Variants in ANKS1B observed in about 807,000 individuals in gnomAD.
ANKS1B encodes the protein ankyrin repeat and sterile alpha motif domain containing 1B, also known as ankyrin repeat and sterile alpha motif domain-containing protein 1B.
In ANKS1B, 36 loss-of-function variants were observed where a neutral mutation model predicts 148.3. The observed-to-expected ratio is 0.24, with a 90% CI of 0.19 to 0.32. The LOEUF (loss-of-function observed/expected upper bound fraction) is 0.32. ANKS1B is among the 10% of genes least tolerant of loss of function. ANKS1B has a pLI of 1.00. For missense variants in ANKS1B, 1,157 were observed against 1,542.6 expected, an observed-to-expected ratio of 0.75 and a Z score of 4.19; for synonymous variants, 542 against 560.8, an observed-to-expected ratio of 0.97 and a Z score of 0.47.
intron 9 of ANKS1B, among the ~76,000 whole-genome samples, chr12:99,553,012 A>C (rs2097237521): frequency 1.3e-5 from 2 of 152,238 alleles, no homozygotes; most frequent in Admixed American, 1.3e-4. Flanking sequence ...ACGGACACAG[A>C]GAGCTGACTT....
rs2095312201 is a variant in ANKS1B at position 99,955,687 on chromosome 12, G to C, written c.134+28417C>G. On this transcript the variant is annotated intron_variant, in intron 1 of 26. Transcript: ENST00000683438. ...ACATGAACCAATAACTTGCAGGCTT[G>C]AGTTACAAAGAACATACATTTAAAC... 1.3e-5 allele frequency among the ~76,000 whole-genome samples: 2 copies of C among 151,888 alleles called. 1 individual carries two copies. Among genetic ancestry groups the C allele is most frequent in the African/African-American group, 4.8e-5 (2 of 41,320 alleles).
chr12:99,541,219 T>C (rs1028875888), intron 9 of ANKS1B, among the ~76,000 whole-genome samples: 10 of 151,968 alleles, frequency 6.6e-5, no homozygotes, highest in African/African-American at 2.2e-4. Flanking sequence ...CCCTCACAAA[T>C]GCTTCTTTAA....
intron 3 of ANKS1B, among the ~76,000 whole-genome samples, chr12:99,808,360 C>T (rs6538947): frequency 0.63 from 95,347 of 151,766 alleles, 30,283 homozygotes; most frequent in South Asian, 0.73. Context: ...AAGGGGAAAA[C>T]AGCACTAGGA....
chr12:99,141,053 C>A (rs2070551305), intron 15 of ANKS1B, among the ~76,000 whole-genome samples: 1 of 152,174 alleles, frequency 6.6e-6, no homozygotes. Flanking sequence ...AACCAACTCT[C>A]CACTTGGCTC....
intron 17 of ANKS1B, among the ~76,000 whole-genome samples, chr12:98,986,665 A>G (rs529162958): frequency 2.3e-4 from 35 of 152,190 alleles, no homozygotes; most frequent in Non-Finnish European, 4.7e-4. Flanking sequence ...CCCAGCCTGG[A>G]GTGCAGTGAT....
chr12:98,786,567 G>C (rs527859891), intron 22 of ANKS1B, among the ~76,000 whole-genome samples: 1 of 152,210 alleles, frequency 6.6e-6, no homozygotes, highest in Admixed American at 6.5e-5. Context: ...CTTAAAGCAT[G>C]TTCTGAAAAT....
chr12:99,780,118 TACAC>T (rs778634617), intron 5 of ANKS1B, 146 bp from the exon 6 acceptor site: 5 of 614,702 alleles, frequency 8.1e-6, no homozygotes, highest in Non-Finnish European at 1.4e-5. Flanking sequence ...CACACACACA[TACAC>T]ACACACATGC....
At chr12:98,743,159 T>C (rs1194223149), downstream of ANKS1B, among the ~76,000 whole-genome samples, 2 of 152,220 alleles carry the variant, frequency 1.3e-5, no homozygotes, top group Non-Finnish European at 1.5e-5. Context: ...TTATTGATTT[T>C]TGAGGATTTG....
chr12:98,871,356 C>A (rs2099667869), intron 17 of ANKS1B, among the ~76,000 whole-genome samples: 1 of 152,072 alleles, frequency 6.6e-6, no homozygotes, highest in South Asian at 2.1e-4. Flanking sequence ...CATATTAATT[C>A]AATAACATAA....
chr12:99,315,111 T>C (rs2083809881), intron 12 of ANKS1B, among the ~76,000 whole-genome samples: 1 of 151,590 alleles, frequency 6.6e-6, no homozygotes, highest in African/African-American at 2.4e-5. Context: ...GGCGTGGTGG[T>C]GCATGCCTGT....
chr12:99,307,385 G>T (rs2154023951), intron 12 of ANKS1B, among the ~76,000 whole-genome samples: 1 of 152,128 alleles, frequency 6.6e-6, no homozygotes. Flanking sequence ...ATAGAGAAAG[G>T]GTGAATAATC....
chr12:99,349,821 C>T (rs976004304), intron 12 of ANKS1B, among the ~76,000 whole-genome samples: 2 of 151,840 alleles, frequency 1.3e-5, no homozygotes, highest in Admixed American at 1.3e-4. Context: ...TACTGTAAGC[C>T]AACTAGACCT....
intron 9 of ANKS1B, among the ~76,000 whole-genome samples, chr12:99,634,720 T>C (rs1482569311): frequency 1.2e-4 from 18 of 152,170 alleles, no homozygotes; most frequent in Non-Finnish European, 2.4e-4. Context: ...CAATGATTGC[T>C]GGGTTATAAT....
intron 9 of ANKS1B, among the ~76,000 whole-genome samples, chr12:99,523,324 C>T (rs750404534): frequency 2.6e-5 from 4 of 152,026 alleles, no homozygotes; most frequent in African/African-American, 9.7e-5. Flanking sequence ...TGCTGAGGAA[C>T]GTGTATGACA....
chr12:99,646,026 T>TTAA (rs113628771), intron 9 of ANKS1B, among the ~76,000 whole-genome samples: 1 of 131,866 alleles, frequency 7.6e-6, no homozygotes, highest in Non-Finnish European at 1.6e-5. Flanking sequence ...AGAAAATCAG[T>TTAA]AAAAAAAAAA....
intron 19 of ANKS1B, among the ~76,000 whole-genome samples, chr12:98,812,672 C>T (rs1039406804): frequency 1.2e-4 from 18 of 151,896 alleles, no homozygotes; most frequent in Non-Finnish European, 2.5e-4. Context: ...TTCCTGGGTT[C>T]CAGTGATTCT....
intron 14 of ANKS1B, among the ~76,000 whole-genome samples, chr12:99,184,181 A>G (rs554863411): frequency 1.3e-5 from 2 of 152,344 alleles, no homozygotes; most frequent in East Asian, 1.9e-4. Flanking sequence ...GTAACACAAT[A>G]TATCTTCCCA....
intron 15 of ANKS1B, among the ~76,000 whole-genome samples, chr12:99,143,372 A>T (rs2071686548): frequency 1.3e-5 from 2 of 151,932 alleles, no homozygotes; most frequent in Admixed American, 6.6e-5. Context: ...TAGATCATAC[A>T]CTCTCAAATG....
chr12:99,875,899 A>G (rs2153732502), intron 1 of ANKS1B, among the ~76,000 whole-genome samples: 1 of 152,340 alleles, frequency 6.6e-6, no homozygotes, highest in East Asian at 1.9e-4. Context: ...ACAGAAAATA[A>G]TAAGGGCTAG....
Sources: allele counts gnomAD v4.1 joint callset (sites outside exome capture counted in the v4.1 genomes callset), GRCh38; gene constraint gnomAD v4.1.1; transcripts MANE v1.5; gene names NCBI Gene and HGNC (gene_info 2026-07-23, HGNC 2026-07-21).